GHR: variants seen among roughly 807,000 people sequenced by gnomAD.
The protein encoded by GHR is growth hormone receptor.
In GHR, 35 loss-of-function variants were observed where a neutral mutation model predicts 67.1. The observed-to-expected ratio is 0.52, with a 90% CI of 0.40 to 0.69. The LOEUF (loss-of-function observed/expected upper bound fraction) is 0.69, where lower values mean the gene tolerates loss of function less well. GHR is among the 30% of genes least tolerant of loss of function. GHR has a pLI of 0.00. For synonymous variants in GHR, 272 were observed against 269.1 expected (o/e 1.01, Z -0.10); for missense variants, 792 against 764.6 (o/e 1.04, Z -0.42).
chr5:42,463,390 G>A (rs1744569876), intron 1 of GHR, among the ~76,000 whole-genome samples: 1 of 152,204 alleles, frequency 6.6e-6, no homozygotes, highest in East Asian at 1.9e-4. Flanking sequence ...CCAAGATTAT[G>A]AGGGTTGTGA....
At chr5:42,693,730 A>G (rs1295307747) in intron 4 of GHR, among the ~76,000 whole-genome samples, 1 of 152,120 alleles carries the variant, frequency 6.6e-6, no homozygotes, top group Non-Finnish European at 1.5e-5. Context: ...CCCATCCCAC[A>G]GAGGGATGGT....
chr5:42,557,331 G>A (rs137983838), intron 1 of GHR, among the ~76,000 whole-genome samples: 2,585 of 152,174 alleles, frequency 0.017, 25 homozygotes, highest in Middle Eastern at 0.041. Context: ...GGCTGGCGAA[G>A]AGCACATTTG....
intron 2 of GHR, among the ~76,000 whole-genome samples, chr5:42,573,338 A>G (rs1579966136): frequency 6.6e-6 from 1 of 151,976 alleles, no homozygotes; most frequent in African/African-American, 2.4e-5. Context: ...TTTCCGGGGG[A>G]TGGAATGATT....
intron 3 of GHR, among the ~76,000 whole-genome samples, chr5:42,676,905 G>T (rs1216226941): frequency 2.0e-5 from 3 of 152,074 alleles, no homozygotes; most frequent in African/African-American, 7.2e-5. Context: ...AGCTAGCTGG[G>T]TAAGGGGTTC....
intron 2 of GHR, among the ~76,000 whole-genome samples, chr5:42,614,215 G>A (rs1426437802): frequency 1.3e-5 from 2 of 152,094 alleles, no homozygotes; most frequent in Non-Finnish European, 2.9e-5. Flanking sequence ...TTCAGATGTT[G>A]TGACACCGTT....
At chr5:42,549,830 G>T (rs1464395932) in intron 1 of GHR, 1 of 224,792 alleles carries the variant, frequency 4.4e-6, no homozygotes, top group Non-Finnish European at 7.4e-6. Context: ...ATACATTTTT[G>T]CAAGATTCTA....
chr5:42,508,298 T>C (rs1746863547), intron 1 of GHR, among the ~76,000 whole-genome samples: 1 of 152,078 alleles, frequency 6.6e-6, no homozygotes, highest in Non-Finnish European at 1.5e-5. Context: ...AGAAAATTCA[T>C]TGAGAATCTG....
chr5:42,575,989 G>C (rs1157219176), intron 2 of GHR, among the ~76,000 whole-genome samples: 2 of 149,678 alleles, frequency 1.3e-5, no homozygotes, highest in Non-Finnish European at 3.0e-5. Context: ...AGCTGAGGTG[G>C]TGCCACTGCA....
At chr5:42,558,956 T>G (rs1411326237) in intron 1 of GHR, among the ~76,000 whole-genome samples, 1 of 152,238 alleles carries the variant, frequency 6.6e-6, no homozygotes, top group Non-Finnish European at 1.5e-5. Context: ...CTTCTTGTAC[T>G]AAGCTTTCAA....
chr5:42,460,107 G>A (rs905962114), intron 1 of GHR, among the ~76,000 whole-genome samples: 2 of 152,138 alleles, frequency 1.3e-5, no homozygotes, highest in South Asian at 2.1e-4. Context: ...ACAGACACCC[G>A]AGTTCTCTCT....
intron 1 of GHR, among the ~76,000 whole-genome samples, chr5:42,473,646 A>T (rs1335050377): frequency 6.6e-6 from 1 of 152,134 alleles, no homozygotes. Flanking sequence ...TGGGAGGCTG[A>T]GGCGGGTGGA....
chr5:42,533,182 A>C (rs186701729), intron 1 of GHR, among the ~76,000 whole-genome samples: 3 of 152,252 alleles, frequency 2.0e-5, no homozygotes, highest in Admixed American at 2.0e-4. Flanking sequence ...GATTATTTAT[A>C]ACATTAGGTA....
chr5:42,446,467 G>C (rs1561307797), intron 1 of GHR, among the ~76,000 whole-genome samples: 2 of 152,296 alleles, frequency 1.3e-5, no homozygotes, highest in East Asian at 1.9e-4. Flanking sequence ...AAGTAGGCAG[G>C]GTTCTTATAT....
At chr5:42,451,352 G>T (rs142123024) in intron 1 of GHR, among the ~76,000 whole-genome samples, 4 of 150,222 alleles carry the variant, frequency 2.7e-5, no homozygotes, top group Non-Finnish European at 1.5e-5. Context: ...ATATTTTCCT[G>T]TTGGACTAAT....
At chr5:42,546,259 G>A (rs753204644) in intron 1 of GHR, among the ~76,000 whole-genome samples, 11 of 152,156 alleles carry the variant, frequency 7.2e-5, no homozygotes, top group Non-Finnish European at 1.2e-4. Context: ...ATCTAGGCTG[G>A]CTGGTCACCA....
At chr5:42,706,855 C>T (rs1185872443) in intron 6 of GHR, among the ~76,000 whole-genome samples, 1 of 151,740 alleles carries the variant, frequency 6.6e-6, no homozygotes, top group Non-Finnish European at 1.5e-5. Flanking sequence ...GTTAGGATTG[C>T]TTTGACTATT....
chr5:42,486,658 T>C (rs1255347388), intron 1 of GHR, among the ~76,000 whole-genome samples: 1 of 152,090 alleles, frequency 6.6e-6, no homozygotes, highest in Non-Finnish European at 1.5e-5. Flanking sequence ...CCATCCTGGC[T>C]AACACGGTGA....
intron 1 of GHR, among the ~76,000 whole-genome samples, chr5:42,481,175 G>A (rs1189134122): frequency 1.3e-5 from 2 of 152,168 alleles, no homozygotes; most frequent in African/African-American, 4.8e-5. Context: ...ATGAAATTCT[G>A]GGTTGAAAAT....
At position 42,698,394 on chromosome 5, in the gene GHR, C is replaced by T. The variant is rs148246938; in HGVS notation, c.440-1430C>T. Among the ~76,000 whole-genome samples the T allele has an allele frequency of 1.4e-3, 218 of 152,222 alleles. 1 individual carries two copies. The highest frequency in any genetic ancestry group is 4.4e-3 in the African/African-American group (181 of 41,536). On this transcript the variant is annotated intron_variant, in intron 5 of 9. Transcript: ENST00000230882. ...AATTTTATAGTTTGGTCACTTTAAA[C>T]GGTTAAGCTTTGATTATCAGGATTC... is the stretch of plus-strand genomic sequence containing the variant.
Sources: allele counts gnomAD v4.1 joint callset (sites outside exome capture counted in the v4.1 genomes callset), GRCh38; gene constraint gnomAD v4.1.1; transcripts MANE v1.5; gene names NCBI Gene and HGNC (gene_info 2026-07-23, HGNC 2026-07-21).